DACH2: variants seen among roughly 807,000 people sequenced by gnomAD.
DACH2 encodes dachshund family transcription factor 2.
DACH2 carries 17 observed loss-of-function variants against 35.8 expected under a neutral mutation model. The ratio of observed to expected loss-of-function variants is 0.48; its 90% confidence interval spans 0.33 to 0.71. DACH2 has a LOEUF of 0.71. DACH2 is among the 30% of genes least tolerant of loss of function. DACH2 has a pLI of 0.02. For missense variants in DACH2, 469 were observed against 472.7 expected, an observed-to-expected ratio of 0.99 and a Z score of 0.07; for synonymous variants, 195 against 177.3, an observed-to-expected ratio of 1.10 and a Z score of -0.79.
At chrX:86,667,602 A>AAGAAAGAAAGAAAGAAAGAAAG (rs1569463748) in intron 4 of DACH2, among the ~76,000 whole-genome samples, 2 of 102,973 alleles carry the variant, frequency 1.9e-5, no homozygotes, top group African/African-American at 7.8e-5. Flanking sequence ...GAAAGAAAGA[A>AAGAAAGAAAGAAAGAAAGAAAG]AGAAAGAAAG....
At chrX:86,574,356 C>T (rs1340488978) in intron 3 of DACH2, among the ~76,000 whole-genome samples, 1 of 111,334 alleles carries the variant, frequency 9.0e-6, no homozygotes, top group Non-Finnish European at 1.9e-5. Flanking sequence ...CTATGCATCA[C>T]TAATGCTTAC....
At chrX:86,467,466 A>T (rs780198410) in intron 2 of DACH2, among the ~76,000 whole-genome samples, 11 of 111,623 alleles carry the variant, frequency 9.9e-5, no homozygotes, top group Non-Finnish European at 1.7e-4. Context: ...GAAGTTCCAA[A>T]CTTTTCCCCA....
intron 2 of DACH2, among the ~76,000 whole-genome samples, chrX:86,408,541 T>C (rs2036561258): frequency 8.9e-6 from 1 of 112,220 alleles, no homozygotes; most frequent in Non-Finnish European, 1.9e-5. Context: ...TTACACCAAA[T>C]ATAGCATCTT....
intron 3 of DACH2, among the ~76,000 whole-genome samples, chrX:86,599,407 C>T (rs1383493130): frequency 1.8e-5 from 2 of 109,030 alleles, no homozygotes; most frequent in Non-Finnish European, 3.8e-5. Flanking sequence ...CTCTTTTCTT[C>T]TTTCTTTTTC....
chrX:86,656,551 CTCAA>C (rs1474387440), intron 4 of DACH2, among the ~76,000 whole-genome samples: 1 of 109,617 alleles, frequency 9.1e-6, no homozygotes, highest in Non-Finnish European at 1.9e-5. Context: ...TATATTGAAT[CTCAA>C]TCAGTAAACC....
chrX:86,149,149 C>T lies in DACH2; in HGVS notation c.488+41C>T, dbSNP rs755536830. ...CTTGGCTCTCCCACTTCTCTTACCCCTTTGGCCTCTTCTGCATGCCTCACC... is the reference window on the plus strand; with the variant it reads ...CTTGGCTCTCCCACTTCTCTTACCCTTTTGGCCTCTTCTGCATGCCTCACC... On this transcript the variant is annotated intron_variant, in intron 1 of 11. Transcript: ENST00000373125. 2.6e-6 allele frequency: 3 copies of T among 1,144,208 alleles called. No homozygotes were observed. The South Asian group carries it at 6.4e-5, about 24-fold the overall frequency. 94.3% of individuals were successfully genotyped at this position (1,144,208 alleles called of 1,213,427 possible). A position where few individuals can be genotyped will look rare whatever the true frequency, so the allele number is the denominator to read the frequency against.
chrX:86,802,969 C>T lies in DACH2; in HGVS notation c.1241-9887C>T, dbSNP rs1209185020. Reference sequence around the variant, plus strand: ...TGCAAACTGTTATAATGTTACTTGGCACTCATAAAATGTTATTTTTTGTGC... The same window carrying T: ...TGCAAACTGTTATAATGTTACTTGGTACTCATAAAATGTTATTTTTTGTGC... On this transcript the variant is annotated intron_variant, in intron 7 of 11. Coordinates refer to ENST00000373125, the MANE Select transcript of DACH2 (RefSeq NM_053281.3). Among the ~76,000 whole-genome samples the T allele has an allele frequency of 3.6e-5, 4 of 112,208 alleles. No individual in the cohort carries two copies. The Admixed American group carries it at 3.8e-4, about 11-fold the overall frequency.
At chrX:86,370,264 C>T (rs2035866953) in intron 1 of DACH2, among the ~76,000 whole-genome samples, 1 of 111,789 alleles carries the variant, frequency 8.9e-6, no homozygotes, top group Non-Finnish European at 1.9e-5. Flanking sequence ...AGGCAGTAAA[C>T]TAGGAAGTAA....
At chrX:86,810,101 G>A (rs559854994) in intron 7 of DACH2, among the ~76,000 whole-genome samples, 1 of 111,657 alleles carries the variant, frequency 9.0e-6, no homozygotes, top group East Asian at 2.8e-4. Flanking sequence ...CCAATTTACT[G>A]TACAGCAACA....
rs778412166 is a variant in DACH2 at position 86,717,410 on chromosome X, ATTCT to A, written c.1104+2696_1104+2699del. ...CATATTGCTGCAAAAGACAGATTTC[ATTCT>A]TTCTTATGGCTAAATAGTATTCCAT... On this transcript the variant is annotated intron_variant, in intron 6 of 11. Coordinates refer to ENST00000373125, the MANE Select transcript of DACH2 (RefSeq NM_053281.3). 5.2e-3 allele frequency among the ~76,000 whole-genome samples: 584 copies of A among 111,286 alleles called. 7 individuals carry two copies. The highest frequency in any genetic ancestry group is 0.018 in the African/African-American group (550 of 30,700).
intron 3 of DACH2, among the ~76,000 whole-genome samples, chrX:86,536,506 CTCTGGAGCCTGATA>C (rs1168707210): frequency 1.8e-5 from 2 of 111,916 alleles, no homozygotes; most frequent in African/African-American, 6.5e-5. Context: ...CATCTATTTT[CTCTGGAGCCTGATA>C]TCTGGAGCCT....
At chrX:86,449,355 G>T (rs1602531299) in intron 2 of DACH2, among the ~76,000 whole-genome samples, 1 of 102,572 alleles carries the variant, frequency 9.7e-6, no homozygotes, top group South Asian at 4.7e-4. Flanking sequence ...GAATGTGTTT[G>T]CTCTTGCTTT....
intron 6 of DACH2, among the ~76,000 whole-genome samples, chrX:86,735,287 T>C (rs773512366): frequency 9.0e-6 from 1 of 111,603 alleles, no homozygotes; most frequent in East Asian, 2.8e-4. Context: ...ATGAAATAAA[T>C]GGCCTCTATG....
chrX:86,268,275 T>C (rs1398304149), intron 1 of DACH2, among the ~76,000 whole-genome samples: 2 of 111,104 alleles, frequency 1.8e-5, no homozygotes, highest in African/African-American at 6.5e-5. Context: ...TAGTAAATAA[T>C]AGTTAACGTT....
intron 3 of DACH2, among the ~76,000 whole-genome samples, chrX:86,624,060 C>CAAAAAAAAAA (rs34140706): frequency 1.4e-4 from 5 of 36,051 alleles, no homozygotes; most frequent in Non-Finnish European, 2.0e-4. Flanking sequence ...AAAAACAAAA[C>CAAAAAAAAAA]AAAAAAAAAA....
intron 6 of DACH2, among the ~76,000 whole-genome samples, chrX:86,732,096 A>G (rs1031236484): frequency 8.9e-6 from 1 of 112,222 alleles, no homozygotes; most frequent in Non-Finnish European, 1.9e-5. Flanking sequence ...GAATGTTTTC[A>G]TCATTGGAGA....
chrX:86,785,239 C>G (rs963144792), intron 7 of DACH2, among the ~76,000 whole-genome samples: 1 of 111,439 alleles, frequency 9.0e-6, no homozygotes, highest in Non-Finnish European at 1.9e-5. Context: ...GAAGATGTTG[C>G]GTAAGCAGTG....
intron 2 of DACH2, among the ~76,000 whole-genome samples, chrX:86,422,755 A>G (rs1342286863): frequency 1.8e-5 from 2 of 110,855 alleles, no homozygotes; most frequent in Non-Finnish European, 3.8e-5. Flanking sequence ...ATCAAATACT[A>G]GGTCTTATTC....
At chrX:86,807,957 A>G (rs2042360188) in intron 7 of DACH2, among the ~76,000 whole-genome samples, 2 of 111,883 alleles carry the variant, frequency 1.8e-5, no homozygotes, top group African/African-American at 3.2e-5. Context: ...TTGTTAGAAC[A>G]CCTAATATCA....
Sources: allele counts gnomAD v4.1 joint callset (sites outside exome capture counted in the v4.1 genomes callset), GRCh38; gene constraint gnomAD v4.1.1; transcripts MANE v1.5; gene names NCBI Gene and HGNC (gene_info 2026-07-23, HGNC 2026-07-21).